The following ZFYVE16 variants were observed in gnomAD, a reference collection of about 807,000 sequenced individuals.
ZFYVE16 encodes the protein zinc finger FYVE domain-containing protein 16.
In ZFYVE16, 89 loss-of-function variants were observed where a neutral mutation model predicts 138.1. The observed-to-expected ratio is 0.64, with a 90% CI of 0.54 to 0.77. The LOEUF (loss-of-function observed/expected upper bound fraction) is 0.77. Among genes scored for constraint, ZFYVE16 ranks in the 30% least tolerant of loss-of-function variants. ZFYVE16 has a pLI of 0.00. For missense variants in ZFYVE16, 1,793 were observed against 1,786.7 expected (o/e 1.00, Z -0.06); for synonymous variants, 596 against 618.3 (o/e 0.96, Z 0.53).
chr5:80,417,113 A>G (rs2112179389), intron 1 of ZFYVE16, among the ~76,000 whole-genome samples: 1 of 152,200 alleles, frequency 6.6e-6, no homozygotes, highest in Non-Finnish European at 1.5e-5. Flanking sequence ...TCAGTCGTCC[A>G]TTTACTTACT....
intron 1 of ZFYVE16, among the ~76,000 whole-genome samples, chr5:80,410,999 G>A (rs1372183138): frequency 1.3e-5 from 2 of 150,378 alleles, no homozygotes; most frequent in East Asian, 2.0e-4. Context: ...ATGGAGTCTC[G>A]CTGTGTCGCC....
chr5:80,451,250 A>G (rs540122814), intron 10 of ZFYVE16, among the ~76,000 whole-genome samples: 1 of 152,344 alleles, frequency 6.6e-6, no homozygotes, highest in African/African-American at 2.4e-5. Context: ...TTTTGTTCAT[A>G]ATCCCCAATA....
At chr5:80,458,636 A>G (rs1428257751) in intron 14 of ZFYVE16, among the ~76,000 whole-genome samples, 1 of 152,186 alleles carries the variant, frequency 6.6e-6, no homozygotes, top group Non-Finnish European at 1.5e-5. Context: ...TTTGTTACCA[A>G]TCCTTAGGGG....
intron 11 of ZFYVE16, chr5:80,455,480 G>A (rs1580300594): frequency 4.2e-6 from 2 of 474,166 alleles, no homozygotes; most frequent in East Asian, 8.7e-5. Context: ...GTTGCAATGA[G>A]TCGAGATTGC....
At chr5:80,459,528 A>G in intron 15 of ZFYVE16, 34 bp downstream of exon 15, 1 of 1,564,054 alleles carries the variant, frequency 6.4e-7, no homozygotes, top group Non-Finnish European at 8.7e-7. Flanking sequence ...GTTTTAATGT[A>G]GAGTTATTTT....
At chr5:80,467,474 T>C (rs1312346737) in intron 15 of ZFYVE16, among the ~76,000 whole-genome samples, 1 of 152,210 alleles carries the variant, frequency 6.6e-6, no homozygotes, top group Non-Finnish European at 1.5e-5. Flanking sequence ...AGGATAGTTA[T>C]TAGTTTCAGG....
At chr5:80,422,738 C>T (rs180702593) in intron 1 of ZFYVE16, among the ~76,000 whole-genome samples, 306 of 152,280 alleles carry the variant, frequency 2.0e-3, no homozygotes, top group African/African-American at 7.0e-3. Context: ...CAGGCATGAG[C>T]CACTACGTCC....
At chr5:80,435,829 C>A in intron 3 of ZFYVE16, 2 of 322,204 alleles carry the variant, frequency 6.2e-6, no homozygotes, top group Non-Finnish European at 1.3e-5. Flanking sequence ...CCGACCGTGG[C>A]TTCCCAAAGC....
At chr5:80,416,479 C>G (rs1256259982) in intron 1 of ZFYVE16, among the ~76,000 whole-genome samples, 1 of 151,202 alleles carries the variant, frequency 6.6e-6, no homozygotes, top group Non-Finnish European at 1.5e-5. Flanking sequence ...TGGTCTCGAT[C>G]TCTTGACCTC....
intron 3 of ZFYVE16, 93 bp from the exon 4 acceptor site, chr5:80,436,663 G>A: frequency 8.8e-7 from 1 of 1,130,478 alleles, no homozygotes; most frequent in Non-Finnish European, 1.2e-6. Context: ...TTTTAAAAAA[G>A]TGTATTTAGT....
Position 80,438,180 on chromosome 5 carries a change from TTTA to T in ZFYVE16, c.1499_1501del (p.Ile500del). The T allele has an allele frequency of 6.2e-7, 1 of 1,613,920 alleles. No homozygotes were observed. The highest frequency in any genetic ancestry group is 8.5e-7 in the Non-Finnish European group (1 of 1,179,948). On this transcript the variant is annotated inframe_deletion, in exon 4 of 19. Coordinates refer to ENST00000505560, the MANE Select transcript of ZFYVE16 (RefSeq NM_001284236.3). ...AGAGTCTTCTGATTGTTGTGAAGGT[TTTA>T]TTAATACTTTTTCAAGCAATGATAT...
chr5:80,415,042 T>G (rs1291491874), intron 1 of ZFYVE16, among the ~76,000 whole-genome samples: 6 of 152,212 alleles, frequency 3.9e-5, no homozygotes, highest in African/African-American at 1.4e-4. Flanking sequence ...CCTCCCTTCC[T>G]TCTTTCTGGA....
At chr5:80,423,510 T>C (rs1747542212) in intron 1 of ZFYVE16, among the ~76,000 whole-genome samples, 2 of 152,124 alleles carry the variant, frequency 1.3e-5, no homozygotes, top group Non-Finnish European at 2.9e-5. Context: ...TTAAATTCCA[T>C]TGATTTCTGC....
At chr5:80,440,289 A>C in intron 5 of ZFYVE16, 1 of 1,106,650 alleles carries the variant, frequency 9.0e-7, no homozygotes, top group Non-Finnish European at 1.1e-6. Flanking sequence ...CAAGTCCCTA[A>C]ATGCTGCATT....
At chr5:80,447,936 A>C in intron 7 of ZFYVE16, 90 bp from the exon 8 acceptor site, 1 of 1,169,612 alleles carries the variant, frequency 8.5e-7, no homozygotes. Context: ...ATTCTTATTA[A>C]AAAGATATGT....
chr5:80,409,300 A>G (rs1235450631), intron 1 of ZFYVE16, among the ~76,000 whole-genome samples: 3 of 152,226 alleles, frequency 2.0e-5, no homozygotes, highest in African/African-American at 7.2e-5. Flanking sequence ...AAACAGTTAT[A>G]TTACAGATAA....
At position 80,408,097 on chromosome 5, in the gene ZFYVE16, C is replaced by G. The variant is rs964358316; in HGVS notation, c.-150C>G. The G allele has an allele frequency of 1.3e-5, 2 of 152,284 alleles. No homozygotes were observed. The highest frequency in any genetic ancestry group is 6.5e-5 in the Admixed American group (1 of 15,294). The allele number at this position is 152,284 out of a possible 1,614,324, so 9.4% of individuals were successfully genotyped here. On this transcript the variant is annotated 5_prime_UTR_variant, in exon 1 of 19. Transcript: ENST00000505560. Reference sequence around the variant, plus strand: ...GACTCCCGGCCGGGGTAGCTCTTCACTCCTCAGCGCGACGTCGTGTCGAGT... The same window carrying G: ...GACTCCCGGCCGGGGTAGCTCTTCAGTCCTCAGCGCGACGTCGTGTCGAGT...
At position 80,438,822 on chromosome 5, in the gene ZFYVE16, G is replaced by A; in HGVS notation, c.2137G>A (p.Glu713Lys). ...TTACATTGATATAGAAAGTAATTCT[G>A]AAGGTGGATCTAGTTTCGTAACTGC... ...SNYIDIESNS[E>K]GGSSFVTANE... Residue 713 changes from glutamate (E) to lysine (K), a missense_variant, in exon 4 of 19, where the codon GAA (glutamate) becomes AAA (lysine). Glu to Lys is a moderately conservative substitution (Grantham distance 56). This residue lies in a region of ZFYVE16 where 1,295 missense variants were observed against 1,204.3 expected (regional missense o/e 1.08). Transcript: ENST00000505560. The A allele has an allele frequency of 3.1e-6, 5 of 1,614,096 alleles. No individual in the cohort carries two copies. The highest frequency in any genetic ancestry group is 4.2e-6 in the Non-Finnish European group (5 of 1,179,972).
Position 80,449,718 on chromosome 5 carries a change from G to A in ZFYVE16, c.3226+5G>A, listed in dbSNP as rs750582889. The A allele has an allele frequency of 8.8e-6, 14 of 1,585,850 alleles. No homozygotes were observed. The highest frequency in any genetic ancestry group is 1.2e-5 in the Non-Finnish European group (14 of 1,169,168). The stretch of plus-strand genomic sequence containing the variant: ...TGAATGTCAAATTCATATTTTGTAA[G>A]TAATAATTTATCCTTATTTGCTTAA... On this transcript the variant is annotated splice_donor_5th_base_variant and intron_variant, in intron 9 of 18. Coordinates refer to ENST00000505560, the MANE Select transcript of ZFYVE16 (RefSeq NM_001284236.3).
Sources: gnomAD v4.1 joint callset for allele counts (sites outside exome capture counted in the v4.1 genomes callset) on GRCh38, gnomAD v4.1.1 for gene constraint, gnomAD v4.1.1 regional missense constraint, MANE v1.5 for transcripts, NCBI Gene and HGNC (gene_info 2026-07-23, HGNC 2026-07-21) for gene names.